PNPLA3: variants seen among roughly 807,000 people sequenced by gnomAD.
PNPLA3 encodes patatin like domain 3, 1-acylglycerol-3-phosphate O-acyltransferase.
A neutral mutation model predicts 43.1 loss-of-function variants in PNPLA3; 42 were observed. The observed-to-expected ratio is 0.97, with a 90% confidence interval of 0.76 to 1.26. The LOEUF is 1.26. Among genes scored for constraint, PNPLA3 ranks in the 50% most tolerant of loss-of-function variants. The probability of loss-of-function intolerance (pLI) is 0.00; values close to 1 mark genes in which losing one functional copy is unlikely to be tolerated. For synonymous variants in PNPLA3, 272 were observed against 253.6 expected, an observed-to-expected ratio of 1.07 and a Z score of -0.69; for missense variants, 647 against 621.4, an observed-to-expected ratio of 1.04 and a Z score of -0.44.
At chr22:43,939,444 C>T in intron 6 of PNPLA3, 4 of 954,400 alleles carry the variant, frequency 4.2e-6, no homozygotes, top group Non-Finnish European at 5.0e-6. Context: ...GAGTGGGGAC[C>T]CTATGCTCCG....
chr22:43,926,874 G>A, intron 1 of PNPLA3, 61 bp from the exon 2 acceptor site: 1 of 1,473,826 alleles, frequency 6.8e-7, no homozygotes, highest in South Asian at 1.2e-5. Context: ...TTCTGGCCTT[G>A]CCAAAAGTAT....
At position 43,946,797 on chromosome 22, in the gene PNPLA3, C is replaced by T. The variant is rs2050066689; in HGVS notation, c.*415C>T. 1 of 515,446 alleles carries T rather than the reference C, an allele frequency of 1.9e-6. No homozygotes were observed. 31.9% of individuals were successfully genotyped at this position (515,446 alleles called of 1,614,324 possible). ...GTGGAGGGAAGAGAATAGCATGATC[C>T]CACTTCCCCATGCTGTGGGAAGGGG... On this transcript the variant is annotated 3_prime_UTR_variant, in exon 9 of 9. Coordinates refer to ENST00000216180, the MANE Select transcript of PNPLA3 (RefSeq NM_025225.3).
chr22:43,933,716 C>G (rs1410226892), intron 4 of PNPLA3, among the ~76,000 whole-genome samples: 1 of 152,180 alleles, frequency 6.6e-6, no homozygotes, highest in African/African-American at 2.4e-5. Flanking sequence ...AGAACAACTG[C>G]GTTCGGTAGT....
chr22:43,935,398 G>A (rs1603416619), intron 5 of PNPLA3, among the ~76,000 whole-genome samples: 1 of 152,146 alleles, frequency 6.6e-6, no homozygotes, highest in South Asian at 2.1e-4. Flanking sequence ...AGAGAAGTGA[G>A]CAGATAAGTA....
chr22:43,942,451 A>G (rs1423001309), intron 7 of PNPLA3, among the ~76,000 whole-genome samples: 3 of 152,106 alleles, frequency 2.0e-5, no homozygotes, highest in African/African-American at 7.2e-5. Flanking sequence ...CTCTCAGTAT[A>G]TTGGTTAGTG....
intron 7 of PNPLA3, among the ~76,000 whole-genome samples, chr22:43,940,893 C>T (rs994094625): frequency 3.3e-5 from 5 of 151,704 alleles, no homozygotes; most frequent in African/African-American, 7.3e-5. Flanking sequence ...GTAATCCCAG[C>T]GCTTTGGGAG....
At chr22:43,927,900 T>G (rs753455984) in intron 2 of PNPLA3, among the ~76,000 whole-genome samples, 1 of 152,170 alleles carries the variant, frequency 6.6e-6, no homozygotes, top group Non-Finnish European at 1.5e-5. Flanking sequence ...CTCCCTTTCC[T>G]TCAACACTTG....
In PNPLA3 at chr22:43,927,005, A is replaced by G. The variant is rs149448591; in HGVS notation, c.258A>G (p.Pro86=). ...GTCGGAACATTGGCATCTTCCATCC[A>G]TCCTTCAACTTAAGCAAGTTCCTCC... is the stretch of plus-strand genomic sequence containing the variant. ...ARSRNIGIFH[P]SFNLSKFLRQ... is the part of the protein sequence containing the mutation. Residue 86 remains proline (P), a synonymous_variant, in exon 2 of 9, where the codon CCA becomes CCG. Transcript: ENST00000216180. The G allele has an allele frequency of 6.2e-7, 1 of 1,614,204 alleles. No individual in the cohort carries two copies. The highest frequency in any genetic ancestry group is 8.5e-7 in the Non-Finnish European group (1 of 1,180,038).
chr22:43,931,322 A>G (rs1161865643), intron 3 of PNPLA3, among the ~76,000 whole-genome samples: 3 of 152,174 alleles, frequency 2.0e-5, no homozygotes, highest in Non-Finnish European at 2.9e-5. Context: ...ATGCTAATCA[A>G]TTGCACCACT....
chr22:43,928,069 G>C (rs996789417), intron 2 of PNPLA3, among the ~76,000 whole-genome samples: 1 of 152,230 alleles, frequency 6.6e-6, no homozygotes, highest in Non-Finnish European at 1.5e-5. Context: ...GCAGAGAGAA[G>C]ATAATTTGTA....
chr22:43,926,889 A>T, intron 1 of PNPLA3, 46 bp from the exon 2 acceptor site: 1 of 1,547,580 alleles, frequency 6.5e-7, no homozygotes, highest in Non-Finnish European at 8.9e-7. Context: ...AAGTATTACC[A>T]TCCCAGTGTG....
At chr22:43,940,197 G>C in intron 7 of PNPLA3, 72 bp downstream of exon 7, 1 of 1,516,388 alleles carries the variant, frequency 6.6e-7, no homozygotes, top group Non-Finnish European at 9.1e-7. Flanking sequence ...GATAGATCAT[G>C]GTGGCATGTA....
Position 43,924,170 on chromosome 22 carries a change from C to T in PNPLA3, c.187+72C>T. On this transcript the variant is annotated intron_variant, in intron 1 of 8. Coordinates refer to ENST00000216180, the MANE Select transcript of PNPLA3 (RefSeq NM_025225.3). Reference sequence around the variant, plus strand: ...CCCTAGGCCGGGGAGCGGGGGATCCCCAGGGGTCGCGGGGCCCTGGAGGAG... The same window carrying T: ...CCCTAGGCCGGGGAGCGGGGGATCCTCAGGGGTCGCGGGGCCCTGGAGGAG... 7 of 1,371,250 alleles carry T rather than the reference C, an allele frequency of 5.1e-6. No individual in the cohort carries two copies. In the South Asian group the frequency reaches 1.0e-4, roughly 20 times the overall value. The allele number at this position is 1,371,250 out of a possible 1,614,324, so 84.9% of individuals were successfully genotyped here. A position where few individuals can be genotyped will look rare whatever the true frequency, so the allele number is the denominator to read the frequency against.
intron 6 of PNPLA3, among the ~76,000 whole-genome samples, chr22:43,938,770 G>A (rs1291192322): frequency 2.0e-5 from 3 of 152,192 alleles, no homozygotes; most frequent in African/African-American, 4.8e-5. Flanking sequence ...GAGGCATCAC[G>A]AGGTCATTAA....
chr22:43,929,229 A>G (rs1426775113), intron 3 of PNPLA3, among the ~76,000 whole-genome samples: 3 of 152,064 alleles, frequency 2.0e-5, no homozygotes, highest in African/African-American at 7.2e-5. Flanking sequence ...TAATCCCAGC[A>G]CTTTGGGAGC....
At chr22:43,938,835 G>C (rs2050012869) in intron 6 of PNPLA3, among the ~76,000 whole-genome samples, 1 of 152,252 alleles carries the variant, frequency 6.6e-6, no homozygotes, top group African/African-American at 2.4e-5. Flanking sequence ...ATCCAGCAGA[G>C]GGTCAAGGAC....
chr22:43,944,770 C>G lies in PNPLA3; in HGVS notation c.1192C>G (p.Leu398Val). Reference protein sequence around the residue: ...WVTSQVFTRVLMCLLPASRSQ... With the variant: ...WVTSQVFTRVVMCLLPASRSQ... ...GACCTCACAGGTGTTCACTCGAGTGCTGATGTGTCTGCTCCCCGCCTCCAG... is the reference window on the plus strand; with the variant it reads ...GACCTCACAGGTGTTCACTCGAGTGGTGATGTGTCTGCTCCCCGCCTCCAG... The change falls in exon 8 of 9, where the codon CTG becomes GTG. Residue 398 changes from leucine to valine, a missense_variant. Physicochemically the swap from Leu to Val is conservative, Grantham distance 32 (BLOSUM62 1). Coordinates refer to ENST00000216180, the MANE Select transcript of PNPLA3 (RefSeq NM_025225.3). The G allele has an allele frequency of 6.2e-7, 1 of 1,614,190 alleles. No individual in the cohort carries two copies. The highest frequency in any genetic ancestry group is 8.5e-7 in the Non-Finnish European group (1 of 1,180,036).
chr22:43,932,224 A>C (rs1412920348), intron 3 of PNPLA3, among the ~76,000 whole-genome samples: 1 of 152,208 alleles, frequency 6.6e-6, no homozygotes, highest in Non-Finnish European at 1.5e-5. Context: ...AAGGATATAG[A>C]TGAAGGAAAA....
intron 6 of PNPLA3, chr22:43,939,399 A>G: frequency 1.0e-6 from 1 of 982,266 alleles, no homozygotes; most frequent in Non-Finnish European, 1.2e-6. Context: ...TGGAATGGCG[A>G]CTTCCAAACA....
Sources: allele counts gnomAD v4.1 joint callset (sites outside exome capture counted in the v4.1 genomes callset), GRCh38; gene constraint gnomAD v4.1.1; transcripts MANE v1.5; gene names NCBI Gene and HGNC (gene_info 2026-07-23, HGNC 2026-07-21).